PLEKHH2: variants seen among roughly 807,000 people sequenced by gnomAD.
The protein encoded by PLEKHH2 is pleckstrin homology, MyTH4 and FERM domain containing H2, also known as pleckstrin homology domain-containing family H member 2.
In PLEKHH2, 129 loss-of-function variants were observed where a neutral mutation model predicts 187.9. That is an observed-to-expected ratio of 0.69 (90% CI 0.59 to 0.79). The LOEUF is 0.79. Among genes scored for constraint, PLEKHH2 ranks in the 30% least tolerant of loss-of-function variants. The probability of loss-of-function intolerance (pLI) is 0.00; values close to 1 mark genes in which losing one functional copy is unlikely to be tolerated. For synonymous variants in PLEKHH2, 686 were observed against 605.6 expected, an observed-to-expected ratio of 1.13 and a Z score of -1.95; for missense variants, 2,076 against 1,751.2, an observed-to-expected ratio of 1.19 and a Z score of -3.31.
chr2:43,754,001 A>T (rs1380728065), intron 25 of PLEKHH2, among the ~76,000 whole-genome samples: 1 of 152,154 alleles, frequency 6.6e-6, no homozygotes, highest in Non-Finnish European at 1.5e-5. Context: ...TTGAAAATAT[A>T]TCTCTAGGCT....
At chr2:43,640,950 AT>A (rs58200065) in intron 1 of PLEKHH2, among the ~76,000 whole-genome samples, 1,401 of 115,732 alleles carry the variant, frequency 0.012, 9 homozygotes, top group African/African-American at 0.022. Flanking sequence ...TGCCTGGCTA[AT>A]TTTTTTTTTT....
intron 2 of PLEKHH2, among the ~76,000 whole-genome samples, chr2:43,651,351 G>A (rs1023679403): frequency 1.3e-5 from 2 of 152,162 alleles, no homozygotes; most frequent in African/African-American, 4.8e-5. Context: ...ATAGGCGTGA[G>A]CCACCGCGCC....
intron 2 of PLEKHH2, among the ~76,000 whole-genome samples, chr2:43,665,823 C>T (rs956189393): frequency 3.7e-5 from 5 of 135,026 alleles, no homozygotes; most frequent in African/African-American, 1.5e-4. Context: ...AGGAGGCAGT[C>T]TGCCCGTTCT....
chr2:43,675,931 T>C (rs375630037), intron 2 of PLEKHH2: 1 of 1,613,930 alleles, frequency 6.2e-7, no homozygotes, highest in African/African-American at 1.3e-5. Flanking sequence ...GTTGTCACCA[T>C]ACTTTTCAAA....
Position 43,740,936 on chromosome 2 carries a change from C to A in PLEKHH2, c.3124-10C>A. On this transcript the variant is annotated splice_polypyrimidine_tract_variant and intron_variant, in intron 20 of 29. Coordinates refer to ENST00000282406, the MANE Select transcript of PLEKHH2 (RefSeq NM_172069.4). ...GTGGTATCTAACCTGTGGTGCTTCT[C>A]CCTGCCCAGGGCTGGCAGCTCTTGG... 6.2e-7 allele frequency: 1 copy of A among 1,612,922 alleles called. No homozygotes were observed. Among genetic ancestry groups the A allele is most frequent in the South Asian group, 1.1e-5 (1 of 90,806 alleles).
At chr2:43,638,294 C>A (rs949245908) in intron 1 of PLEKHH2, among the ~76,000 whole-genome samples, 2 of 151,750 alleles carry the variant, frequency 1.3e-5, no homozygotes, top group Admixed American at 1.3e-4. Flanking sequence ...CACACTCACA[C>A]ACACGATTAC....
At chr2:43,672,564 G>T (rs369353563) in intron 2 of PLEKHH2, among the ~76,000 whole-genome samples, 1 of 152,144 alleles carries the variant, frequency 6.6e-6, no homozygotes, top group African/African-American at 2.4e-5. Flanking sequence ...ATCACCAGTT[G>T]TTGCCTAGTT....
intron 15 of PLEKHH2, 84 bp from the exon 16 acceptor site, chr2:43,720,585 G>C: frequency 6.4e-7 from 1 of 1,562,980 alleles, no homozygotes; most frequent in South Asian, 1.2e-5. Context: ...GATGCCTATA[G>C]AAACTCAAAT....
At chr2:43,723,686 C>T (rs1670599571) in intron 16 of PLEKHH2, among the ~76,000 whole-genome samples, 1 of 152,144 alleles carries the variant, frequency 6.6e-6, no homozygotes. Flanking sequence ...TTTAAAAATG[C>T]CTTTAGTTCA....
Position 43,725,926 on chromosome 2 carries a change from T to C in PLEKHH2, c.2542-346T>C, listed in dbSNP as rs575622302. 5.6e-3 allele frequency among the ~76,000 whole-genome samples: 850 copies of C among 151,808 alleles called. 7 individuals are homozygous for C. Among genetic ancestry groups the C allele is most frequent in the African/African-American group, 0.019 (792 of 41,320 alleles). On this transcript the variant is annotated intron_variant, in intron 16 of 29. Transcript: ENST00000282406. ...AGGAGTCTGAGACTGGCCTGGGCAA[T>C]GTAGCAAGACCCTATCTCCAAAAAA...
At chr2:43,732,319 C>T (rs58908937) in intron 19 of PLEKHH2, among the ~76,000 whole-genome samples, 308 of 151,978 alleles carry the variant, frequency 2.0e-3, no homozygotes, top group African/African-American at 6.2e-3. Context: ...GCTGAGATCA[C>T]GCCACTGCAC....
At chr2:43,745,041 T>A (rs559428066) in intron 23 of PLEKHH2, among the ~76,000 whole-genome samples, 2 of 151,294 alleles carry the variant, frequency 1.3e-5, no homozygotes, top group South Asian at 4.2e-4. Flanking sequence ...AGGCCGGGTG[T>A]GGTGGCTCAC....
chr2:43,744,485 G>C (rs1347177572), intron 23 of PLEKHH2, among the ~76,000 whole-genome samples: 2 of 152,192 alleles, frequency 1.3e-5, no homozygotes, highest in African/African-American at 2.4e-5. Context: ...AGTTTTGAGA[G>C]TGCTGTGAAC....
chr2:43,696,646 C>T (rs1669105670), intron 6 of PLEKHH2, among the ~76,000 whole-genome samples: 1 of 152,020 alleles, frequency 6.6e-6, no homozygotes, highest in Admixed American at 6.6e-5. Context: ...ATAGACCCAA[C>T]CTCCCCATCT....
At chr2:43,737,961 T>TA (rs1377598784) in intron 19 of PLEKHH2, among the ~76,000 whole-genome samples, 1 of 152,108 alleles carries the variant, frequency 6.6e-6, no homozygotes, top group Admixed American at 6.5e-5. Context: ...GAGAAGATAT[T>TA]AAAAAGACCC....
intron 15 of PLEKHH2, among the ~76,000 whole-genome samples, chr2:43,720,098 T>C (rs1432757332): frequency 6.6e-6 from 1 of 152,186 alleles, no homozygotes; most frequent in Non-Finnish European, 1.5e-5. Context: ...CCATCACTCG[T>C]AATAACATAC....
intron 2 of PLEKHH2, among the ~76,000 whole-genome samples, chr2:43,660,292 A>G (rs1446130654): frequency 1.3e-5 from 2 of 152,148 alleles, no homozygotes; most frequent in Non-Finnish European, 2.9e-5. Flanking sequence ...GTTGATGGTC[A>G]TTTGGGTTGT....
At chr2:43,638,248 AACACACACACACACACACAC>A (rs70965309) in intron 1 of PLEKHH2, among the ~76,000 whole-genome samples, 21 of 148,872 alleles carry the variant, frequency 1.4e-4, no homozygotes, top group Middle Eastern at 3.4e-3. Flanking sequence ...AAGATCTTTT[AACACACACACACACACACAC>A]ACACACACAC....
At chr2:43,679,012 C>G in intron 3 of PLEKHH2, 87 bp downstream of exon 3, 1 of 815,412 alleles carries the variant, frequency 1.2e-6, no homozygotes, top group Non-Finnish European at 2.1e-6. Context: ...CAATTATCAG[C>G]CCACCTCTAC....
Sources: allele counts gnomAD v4.1 joint callset (sites outside exome capture counted in the v4.1 genomes callset), GRCh38; gene constraint gnomAD v4.1.1; transcripts MANE v1.5; gene names NCBI Gene and HGNC (gene_info 2026-07-23, HGNC 2026-07-21).